CARMIL1: variants seen among roughly 807,000 people sequenced by gnomAD.
CARMIL1 encodes the protein F-actin-uncapping protein LRRC16A.
Under a neutral mutation model 177.1 loss-of-function variants are expected in CARMIL1, and 90 were observed. The ratio of observed to expected loss-of-function variants is 0.51; its 90% CI spans 0.43 to 0.61. The LOEUF (loss-of-function observed/expected upper bound fraction) is 0.61, where lower values mean the gene tolerates loss of function less well. CARMIL1 is among the 20% of genes least tolerant of loss of function. The pLI is 0.00. For missense variants in CARMIL1, 1,380 were observed against 1,667.0 expected, an observed-to-expected ratio of 0.83 and a Z score of 3.00; for synonymous variants, 577 against 606.2, an observed-to-expected ratio of 0.95 and a Z score of 0.71.
At chr6:25,603,986 C>T (rs1352795980) in intron 33 of CARMIL1, among the ~76,000 whole-genome samples, 1 of 152,154 alleles carries the variant, frequency 6.6e-6, no homozygotes, top group Non-Finnish European at 1.5e-5. Context: ...GGTTCTACCT[C>T]AAAGCAAGGA....
chr6:25,584,882 G>C (rs1049130089), intron 31 of CARMIL1, among the ~76,000 whole-genome samples: 1 of 152,178 alleles, frequency 6.6e-6, no homozygotes, highest in Non-Finnish European at 1.5e-5. Context: ...TTTTGGGGTA[G>C]CATGTCCCAA....
chr6:25,416,446 G>A (rs908690003), intron 2 of CARMIL1, among the ~76,000 whole-genome samples: 3 of 152,114 alleles, frequency 2.0e-5, no homozygotes, highest in African/African-American at 7.2e-5. Context: ...ATCTTAAAAT[G>A]GGGATTATAA....
intron 9 of CARMIL1, among the ~76,000 whole-genome samples, 178 bp downstream of exon 9, chr6:25,466,126 A>G (rs998660901): frequency 6.6e-6 from 1 of 152,204 alleles, no homozygotes; most frequent in East Asian, 1.9e-4. Context: ...GTAATGTGAG[A>G]TGCTTCCAAG....
intron 2 of CARMIL1, among the ~76,000 whole-genome samples, chr6:25,343,235 A>G (rs1490063403): frequency 6.6e-6 from 1 of 151,930 alleles, no homozygotes; most frequent in Non-Finnish European, 1.5e-5. Context: ...CAGAATAGGG[A>G]TTAGAGAGGA....
At chr6:25,468,161 A>G (rs1582056312) in intron 9 of CARMIL1, among the ~76,000 whole-genome samples, 1 of 152,112 alleles carries the variant, frequency 6.6e-6, no homozygotes, top group Non-Finnish European at 1.5e-5. Context: ...CTTATGAAGC[A>G]AATTAGCAAT....
chr6:25,588,950 A>C (rs1354623208), intron 31 of CARMIL1, among the ~76,000 whole-genome samples: 2 of 152,244 alleles, frequency 1.3e-5, no homozygotes, highest in Non-Finnish European at 2.9e-5. Flanking sequence ...TATTCTCGGC[A>C]TAGGGCATAG....
chr6:25,280,537 C>A (rs1781003169), intron 1 of CARMIL1, among the ~76,000 whole-genome samples: 1 of 151,460 alleles, frequency 6.6e-6, no homozygotes, highest in Admixed American at 6.6e-5. Context: ...TCTTAGGGAA[C>A]CCGTGTGTGT....
intron 24 of CARMIL1, among the ~76,000 whole-genome samples, chr6:25,534,231 G>A (rs1251272667): frequency 2.0e-5 from 3 of 151,766 alleles, no homozygotes; most frequent in Admixed American, 6.6e-5. Flanking sequence ...CACCGTGAAT[G>A]TTTATGGGGT....
intron 36 of CARMIL1, among the ~76,000 whole-genome samples, chr6:25,610,600 C>T (rs189413952): frequency 2.0e-5 from 3 of 152,254 alleles, no homozygotes; most frequent in Admixed American, 2.0e-4. Context: ...AGCAGCACCC[C>T]CGGGCCTGAG....
chr6:25,496,523 T>C (rs952009839), intron 16 of CARMIL1, among the ~76,000 whole-genome samples: 3 of 147,668 alleles, frequency 2.0e-5, no homozygotes, highest in African/African-American at 7.4e-5. Flanking sequence ...GAAAAAAAAG[T>C]CTGATGTTAT....
chr6:25,315,517 C>A (rs551934907), intron 2 of CARMIL1, among the ~76,000 whole-genome samples: 1 of 152,240 alleles, frequency 6.6e-6, no homozygotes, highest in African/African-American at 2.4e-5. Context: ...CACTGGCTCT[C>A]CACAGCCTCC....
intron 3 of CARMIL1, among the ~76,000 whole-genome samples, chr6:25,423,037 G>A (rs1460872232): frequency 1.3e-5 from 2 of 152,124 alleles, no homozygotes; most frequent in Admixed American, 6.5e-5. Flanking sequence ...CAGCTTTGCC[G>A]CTTTCCCCCT....
At chr6:25,454,794 G>T (rs1799341288) in intron 8 of CARMIL1, among the ~76,000 whole-genome samples, 1 of 152,188 alleles carries the variant, frequency 6.6e-6, no homozygotes, top group African/African-American at 2.4e-5. Flanking sequence ...TTTCGATGTA[G>T]TAGAAGCTTC....
chr6:25,383,173 C>G (rs9461149), intron 2 of CARMIL1, among the ~76,000 whole-genome samples: 22,556 of 152,026 alleles, frequency 0.15, 1,722 homozygotes, highest in African/African-American at 0.19. Flanking sequence ...TCACAGAAAA[C>G]ATAGAAGATT....
intron 2 of CARMIL1, among the ~76,000 whole-genome samples, chr6:25,378,823 C>A (rs1288339017): frequency 6.6e-6 from 1 of 151,474 alleles, no homozygotes; most frequent in South Asian, 2.1e-4. Context: ...AATCTCTCCA[C>A]ACTATTTTGT....
At chr6:25,451,986 G>GCCCCCCT in intron 8 of CARMIL1, 2 of 112,672 alleles carry the variant, frequency 1.8e-5, no homozygotes, top group South Asian at 7.1e-5. Context: ...CTAGCATCTT[G>GCCCCCCT]CCCCCCCCTC....
At chr6:25,493,767 C>T (rs1195721904) in intron 15 of CARMIL1, among the ~76,000 whole-genome samples, 1 of 152,134 alleles carries the variant, frequency 6.6e-6, no homozygotes, top group Non-Finnish European at 1.5e-5. Context: ...TTTGGAAACA[C>T]TGGAATGCTC....
intron 2 of CARMIL1, among the ~76,000 whole-genome samples, chr6:25,287,131 AT>A (rs1375208741): frequency 6.6e-6 from 1 of 152,194 alleles, no homozygotes; most frequent in African/African-American, 2.4e-5. Context: ...AAAGTTGTGG[AT>A]TTCTGAGTTT....
At position 25,411,446 on chromosome 6, in the gene CARMIL1, A is replaced by G. The variant is rs539567994; in HGVS notation, c.139-8668A>G. On this transcript the variant is annotated intron_variant, in intron 2 of 36. Transcript: ENST00000329474. ...AAGACCTATCATTACTCTGACTTTA[A>G]AATACATTGTTCTAACAGAATCACT... is the stretch of plus-strand genomic sequence containing the variant. Among the ~76,000 whole-genome samples the G allele has an allele frequency of 7.2e-4, 110 of 152,200 alleles. 1 individual carries two copies. The highest frequency in any genetic ancestry group is 2.2e-3 in the Admixed American group (33 of 15,284).
Sources: allele counts gnomAD v4.1 joint callset (sites outside exome capture counted in the v4.1 genomes callset), GRCh38; gene constraint gnomAD v4.1.1; transcripts MANE v1.5; gene names NCBI Gene and HGNC (gene_info 2026-07-23, HGNC 2026-07-21).